Variants in TAPT1 observed in about 807,000 individuals in gnomAD.
TAPT1 encodes transmembrane anterior posterior transformation protein 1 homolog.
TAPT1 carries 28 observed loss-of-function variants against 65.6 expected under a neutral mutation model. The ratio of observed to expected loss-of-function variants is 0.43; its 90% CI spans 0.32 to 0.59. The LOEUF (loss-of-function observed/expected upper bound fraction) is 0.59. TAPT1 is among the 20% of genes least tolerant of loss of function. The pLI is 0.09. For synonymous variants in TAPT1, 278 were observed against 245.2 expected, an observed-to-expected ratio of 1.13 and a Z score of -1.25; for missense variants, 563 against 679.9, an observed-to-expected ratio of 0.83 and a Z score of 1.91.
Position 16,202,497 on chromosome 4 carries a change from T to G in TAPT1, c.414A>C (p.Leu138=), listed in dbSNP as rs200130238. ...TLLPLRVFLA[L]FRLLTLPCYG... The stretch of plus-strand genomic sequence containing the variant: ...AGCAAGGCAAAGTGAGGAGCCTGAA[T>G]AGTGCCAGGAAAACTCTTAAAGGAA... The change falls in exon 3 of 14, where the codon CTA becomes CTC. Residue 138 remains leucine (L), a synonymous_variant. Coordinates refer to ENST00000405303, the MANE Select transcript of TAPT1 (RefSeq NM_153365.3). 6.2e-4 allele frequency: 963 copies of G among 1,551,908 alleles called. 1 individual carries two copies. Among genetic ancestry groups the G allele is most frequent in the Non-Finnish European group, 7.7e-4 (883 of 1,147,372 alleles).
At chr4:16,199,897 A>C (rs35920719) in intron 3 of TAPT1, among the ~76,000 whole-genome samples, 5 of 151,880 alleles carry the variant, frequency 3.3e-5, no homozygotes, top group Admixed American at 3.3e-4. Flanking sequence ...TCTAGAAAAG[A>C]CTCTTCTAAT....
chr4:16,214,278 C>A (rs913403070), intron 1 of TAPT1, among the ~76,000 whole-genome samples: 8 of 152,104 alleles, frequency 5.3e-5, no homozygotes, highest in Non-Finnish European at 1.2e-4. Flanking sequence ...CAAAAGGGAG[C>A]AAAGTCACAC....
intron 3 of TAPT1, among the ~76,000 whole-genome samples, chr4:16,193,871 G>A (rs1298446328): frequency 1.3e-5 from 2 of 152,142 alleles, no homozygotes; most frequent in Non-Finnish European, 2.9e-5. Context: ...AAAATGATAC[G>A]AGCTAAAAGT....
intron 13 of TAPT1, among the ~76,000 whole-genome samples, chr4:16,164,828 T>C (rs935960587): frequency 3.3e-5 from 5 of 152,224 alleles, no homozygotes; most frequent in African/African-American, 4.8e-5. Context: ...TTATTACTAA[T>C]AGTGTTCTTA....
intron 2 of TAPT1, among the ~76,000 whole-genome samples, chr4:16,210,371 A>G (rs963187014): frequency 1.3e-5 from 2 of 152,014 alleles, no homozygotes; most frequent in Non-Finnish European, 2.9e-5. Flanking sequence ...TCTCCCAATC[A>G]CCTCCTGCTG....
At position 16,161,245 on chromosome 4, in the gene TAPT1, C is replaced by A. The variant is rs1223109356; in HGVS notation, c.*2063G>T. 1 of 152,614 alleles carries A rather than the reference C, an allele frequency of 6.6e-6. No homozygotes were observed. The highest frequency in any genetic ancestry group is 1.9e-4 in the East Asian group (1 of 5,196). 9.5% of individuals were successfully genotyped at this position (152,614 alleles called of 1,614,324 possible). A position where few individuals can be genotyped will look rare whatever the true frequency, so the allele number is the denominator to read the frequency against. Reference sequence around the variant, plus strand: ...AATACTTATTATACAGTGGGAAATTCACTCTACCAAATACAATAGTAAATA... The same window carrying A: ...AATACTTATTATACAGTGGGAAATTAACTCTACCAAATACAATAGTAAATA... On this transcript the variant is annotated 3_prime_UTR_variant, in exon 14 of 14. Coordinates refer to ENST00000405303, the MANE Select transcript of TAPT1 (RefSeq NM_153365.3).
At chr4:16,224,585 C>G (rs1751440803) in intron 1 of TAPT1, among the ~76,000 whole-genome samples, 1 of 152,156 alleles carries the variant, frequency 6.6e-6, no homozygotes, top group Non-Finnish European at 1.5e-5. Context: ...GACATCTCCT[C>G]ACACAAAATC....
At chr4:16,170,933 T>C (rs1046777576) in intron 11 of TAPT1, among the ~76,000 whole-genome samples, 1 of 152,174 alleles carries the variant, frequency 6.6e-6, no homozygotes, top group African/African-American at 2.4e-5. Flanking sequence ...TGTGGTACAT[T>C]TGGATTGGTT....
intron 7 of TAPT1, 118 bp from the exon 8 acceptor site, chr4:16,179,775 T>A (rs1666402172): frequency 4.0e-6 from 2 of 500,776 alleles, no homozygotes; most frequent in South Asian, 3.5e-5. Context: ...TAAATGTCTA[T>A]AAATATACAA....
At position 16,163,343 on chromosome 4, in the gene TAPT1, C is replaced by T; in HGVS notation, c.1669G>A (p.Asp557Asn). The T allele has an allele frequency of 1.9e-6, 3 of 1,614,022 alleles. No individual in the cohort carries two copies. The highest frequency in any genetic ancestry group is 2.5e-6 in the Non-Finnish European group (3 of 1,179,892). ...RSSKKDLLEI[D>N]RFTICGNRID ...CGGTTTCCACAAATTGTGAACCTGT[C>T]TATCTCTAACAAATCTTTCTTTGAG... Residue 557 changes from aspartate (D) to asparagine (N), a missense_variant, in exon 14 of 14, where the codon GAC (aspartate) becomes AAC (asparagine). Physicochemically the swap from Asp to Asn is conservative, Grantham distance 23. Transcript: ENST00000405303.
chr4:16,171,054 G>A (rs1747961563), intron 11 of TAPT1, among the ~76,000 whole-genome samples: 1 of 152,196 alleles, frequency 6.6e-6, no homozygotes, highest in Non-Finnish European at 1.5e-5. Context: ...TCACAGGGAT[G>A]CAAAGCAGCT....
At chr4:16,204,778 T>G (rs1483278517) in intron 2 of TAPT1, among the ~76,000 whole-genome samples, 3 of 152,348 alleles carry the variant, frequency 2.0e-5, no homozygotes, top group Non-Finnish European at 4.4e-5. Context: ...GAGCCAGGAC[T>G]TCACTCAGTC....
At chr4:16,186,232 T>C (rs1294163761) in intron 7 of TAPT1, among the ~76,000 whole-genome samples, 1 of 152,256 alleles carries the variant, frequency 6.6e-6, no homozygotes, top group Non-Finnish European at 1.5e-5. Context: ...AATTATTTTC[T>C]GTGTTTCAGT....
chr4:16,214,013 A>G (rs1275556381), intron 1 of TAPT1, 115 bp from the exon 2 acceptor site: 9 of 808,626 alleles, frequency 1.1e-5, no homozygotes, highest in Non-Finnish European at 1.5e-5. Flanking sequence ...AATAAATGTT[A>G]TCTATAATTC....
At chr4:16,202,393 G>T in intron 3 of TAPT1, 69 bp downstream of exon 3, 1 of 991,544 alleles carries the variant, frequency 1.0e-6, no homozygotes, top group Non-Finnish European at 1.5e-6. Context: ...TCCTTACTCT[G>T]CAACCACTAC....
intron 5 of TAPT1, among the ~76,000 whole-genome samples, 195 bp from the exon 6 acceptor site, chr4:16,187,073 G>A (rs949972770): frequency 6.6e-6 from 1 of 152,102 alleles, no homozygotes; most frequent in Admixed American, 6.6e-5. Context: ...CACATGAAAC[G>A]AACAAAAGTG....
At chr4:16,221,200 A>C (rs1166694427) in intron 1 of TAPT1, among the ~76,000 whole-genome samples, 1 of 151,936 alleles carries the variant, frequency 6.6e-6, no homozygotes, top group Non-Finnish European at 1.5e-5. Context: ...GTCTCACTGC[A>C]ACCTCCACCT....
chr4:16,223,283 C>T (rs574647594), intron 1 of TAPT1, among the ~76,000 whole-genome samples: 1 of 152,292 alleles, frequency 6.6e-6, no homozygotes, highest in Non-Finnish European at 1.5e-5. Flanking sequence ...AACTCTCCTA[C>T]CTAGGACTTC....
chr4:16,182,300 C>T (rs1748755220), intron 7 of TAPT1, among the ~76,000 whole-genome samples: 1 of 152,080 alleles, frequency 6.6e-6, no homozygotes, highest in Non-Finnish European at 1.5e-5. Flanking sequence ...ATAAATAATG[C>T]AATCAGCAAC....
Sources: gnomAD v4.1 joint callset for allele counts (sites outside exome capture counted in the v4.1 genomes callset) on GRCh38, gnomAD v4.1.1 for gene constraint, MANE v1.5 for transcripts, NCBI Gene and HGNC (gene_info 2026-07-23, HGNC 2026-07-21) for gene names.